The following CNBD1 variants were observed in gnomAD, a reference collection of about 807,000 sequenced individuals.
The protein encoded by CNBD1 is cyclic nucleotide-binding domain-containing protein 1.
In CNBD1, 71 loss-of-function variants were observed where a neutral mutation model predicts 54.4. That is an observed-to-expected ratio of 1.30 (90% CI 1.08 to 1.59). The LOEUF is 1.59. Among genes scored for constraint, CNBD1 ranks in the 40% most tolerant of loss-of-function variants. CNBD1 has a pLI of 0.00. For missense variants in CNBD1, 659 were observed against 518.0 expected, an observed-to-expected ratio of 1.27 and a Z score of -2.64; for synonymous variants, 182 against 170.7, an observed-to-expected ratio of 1.07 and a Z score of -0.51.
At chr8:86,874,796 C>G (rs1808490401) in intron 1 of CNBD1, among the ~76,000 whole-genome samples, 1 of 151,466 alleles carries the variant, frequency 6.6e-6, no homozygotes, top group African/African-American at 2.4e-5. Context: ...TTTTCAAGCT[C>G]TTTTCATACT....
At chr8:87,239,718 A>G (rs1354581103) in intron 6 of CNBD1, among the ~76,000 whole-genome samples, 1 of 152,178 alleles carries the variant, frequency 6.6e-6, no homozygotes, top group African/African-American at 2.4e-5. Context: ...ATAGTTGTGA[A>G]TAAAAATTGT....
chr8:87,353,460 C>G (rs1174995588), intron 9 of CNBD1, among the ~76,000 whole-genome samples, 176 bp from the exon 10 acceptor site: 1 of 152,024 alleles, frequency 6.6e-6, no homozygotes, highest in Admixed American at 6.6e-5. Context: ...TACTATTGCT[C>G]TAATATAATT....
intron 4 of CNBD1, among the ~76,000 whole-genome samples, chr8:87,011,992 T>C (rs1269912661): frequency 3.9e-5 from 6 of 151,988 alleles, no homozygotes; most frequent in African/African-American, 1.4e-4. Context: ...TACATTTTTA[T>C]ACAAAACACA....
rs186052323 is a variant in CNBD1 at position 87,164,101 on chromosome 8, T to A, written c.432-41892T>A. Among the ~76,000 whole-genome samples, 419 of 152,114 alleles carry A rather than the reference T, an allele frequency of 2.8e-3. 6 individuals are homozygous for A. The highest frequency in any genetic ancestry group is 8.5e-4 in the Non-Finnish European group (58 of 67,896). ...CTGTTACTGTGGTATATTACATTGT[T>A]GATTTGCATATATTGAATCATCTTT... On this transcript the variant is annotated intron_variant, in intron 4 of 10. Transcript: ENST00000518476.
intron 4 of CNBD1, among the ~76,000 whole-genome samples, chr8:86,978,219 T>A: frequency 6.6e-6 from 1 of 152,194 alleles, no homozygotes; most frequent in African/African-American, 2.4e-5. Context: ...CACTTTTTAC[T>A]AAAATCAACT....
intron 4 of CNBD1, among the ~76,000 whole-genome samples, chr8:87,092,406 T>C (rs1230903707): frequency 6.9e-6 from 1 of 144,818 alleles, no homozygotes; most frequent in African/African-American, 2.5e-5. Flanking sequence ...TGTGTGTGTG[T>C]ATATGTGTGT....
chr8:87,177,740 T>C (rs1338221715), intron 4 of CNBD1, among the ~76,000 whole-genome samples: 1 of 152,192 alleles, frequency 6.6e-6, no homozygotes, highest in Admixed American at 6.5e-5. Flanking sequence ...ATGAGATAGA[T>C]GCAATTAAGT....
intron 4 of CNBD1, among the ~76,000 whole-genome samples, chr8:87,149,554 C>G (rs547447988): frequency 6.6e-6 from 1 of 152,154 alleles, no homozygotes; most frequent in South Asian, 2.1e-4. Context: ...ACATGCTGCC[C>G]CCTATCCTGA....
At chr8:87,113,913 TC>T (rs1811717401) in intron 4 of CNBD1, among the ~76,000 whole-genome samples, 1 of 147,288 alleles carries the variant, frequency 6.8e-6, no homozygotes, top group Non-Finnish European at 1.5e-5. Flanking sequence ...TGAGACTCTG[TC>T]TCAAAAAAAA....
At chr8:87,201,920 TTTTTGTA>T (rs1371397676) in intron 4 of CNBD1, among the ~76,000 whole-genome samples, 2 of 152,108 alleles carry the variant, frequency 1.3e-5, no homozygotes, top group Non-Finnish European at 2.9e-5. Flanking sequence ...ACCTAGCTAG[TTTTTGTA>T]TTTTTAATAG....
intron 10 of CNBD1, among the ~76,000 whole-genome samples, chr8:87,375,831 C>T (rs1373170028): frequency 6.6e-6 from 1 of 151,882 alleles, no homozygotes; most frequent in Non-Finnish European, 1.5e-5. Flanking sequence ...TCACTAAATA[C>T]TTTCCTAATA....
rs571157069 is a variant in CNBD1 at position 87,035,277 on chromosome 8, C to A, written c.431+95523C>A. 4.6e-5 allele frequency among the ~76,000 whole-genome samples: 7 copies of A among 152,118 alleles called. No homozygotes were observed. The South Asian group carries it at 1.5e-3, about 32-fold the overall frequency. ...TTGGGCTTCTAGTATAACTGTAACC[C>A]AAATATTGAATATTGGATACAGTGT... On this transcript the variant is annotated intron_variant, in intron 4 of 10. Transcript: ENST00000518476.
intron 4 of CNBD1, among the ~76,000 whole-genome samples, chr8:87,005,466 A>G (rs1230570985): frequency 1.3e-5 from 2 of 152,144 alleles, no homozygotes; most frequent in Non-Finnish European, 2.9e-5. Context: ...TAGTTAAAAC[A>G]CAGTAGAAGT....
At chr8:87,222,756 T>C (rs1814368863) in intron 5 of CNBD1, among the ~76,000 whole-genome samples, 1 of 152,168 alleles carries the variant, frequency 6.6e-6, no homozygotes, top group East Asian at 1.9e-4. Flanking sequence ...AAAGTCACTA[T>C]CAAAATGATT....
intron 3 of CNBD1, among the ~76,000 whole-genome samples, chr8:86,922,271 G>T (rs1809287216): frequency 6.6e-6 from 1 of 152,042 alleles, no homozygotes; most frequent in Non-Finnish European, 1.5e-5. Context: ...CCCCATGGGT[G>T]TCAAGATGGG....
intron 4 of CNBD1, among the ~76,000 whole-genome samples, chr8:86,980,945 A>G (rs1228743966): frequency 1.3e-5 from 2 of 152,198 alleles, no homozygotes; most frequent in Admixed American, 1.3e-4. Flanking sequence ...CTTAATACAC[A>G]TATGCCCATA....
chr8:87,197,924 G>A (rs376620273), intron 4 of CNBD1, among the ~76,000 whole-genome samples: 1 of 152,284 alleles, frequency 6.6e-6, no homozygotes, highest in South Asian at 2.1e-4. Flanking sequence ...GGAGAAAATT[G>A]TAGGTATTGC....
intron 10 of CNBD1, among the ~76,000 whole-genome samples, chr8:87,354,781 C>T (rs1677655700): frequency 6.6e-6 from 1 of 152,118 alleles, no homozygotes; most frequent in Non-Finnish European, 1.5e-5. Flanking sequence ...GTATATGTGC[C>T]ACATTTTCTT....
intron 2 of CNBD1, among the ~76,000 whole-genome samples, chr8:87,424,579 C>G (rs574058843): frequency 6.6e-6 from 1 of 152,082 alleles, no homozygotes; most frequent in African/African-American, 2.4e-5. Context: ...CATGTAGTTG[C>G]GCGTTTTTGC....
Sources: allele counts gnomAD v4.1 joint callset (sites outside exome capture counted in the v4.1 genomes callset), GRCh38; gene constraint gnomAD v4.1.1; transcripts MANE v1.5; gene names NCBI Gene and HGNC (gene_info 2026-07-23, HGNC 2026-07-21).